Variants in GMIP observed in about 807,000 individuals in gnomAD.
The protein encoded by GMIP is GEM interacting protein.
A neutral mutation model predicts 105.3 loss-of-function variants in GMIP; 54 were observed. That is an observed-to-expected ratio of 0.51 (90% CI 0.41 to 0.64). The LOEUF (loss-of-function observed/expected upper bound fraction) is 0.64. Among genes scored for constraint, GMIP ranks in the 30% least tolerant of loss-of-function variants. The pLI is 0.00. For missense variants in GMIP, 1,110 were observed against 1,319.4 expected, an observed-to-expected ratio of 0.84 and a Z score of 2.46; for synonymous variants, 541 against 560.8, an observed-to-expected ratio of 0.96 and a Z score of 0.50.
chr19:19,634,453 G>T lies in GMIP; in HGVS notation c.2084+54C>A. The T allele has an allele frequency of 6.9e-7, 1 of 1,455,590 alleles. No individual in the cohort carries two copies. Among genetic ancestry groups the T allele is most frequent in the Non-Finnish European group, 9.5e-7 (1 of 1,057,138 alleles). The allele number at this position is 1,455,590 out of a possible 1,614,324, so 90.2% of individuals were successfully genotyped here. On this transcript the variant is annotated intron_variant, in intron 18 of 20. Coordinates refer to ENST00000203556, the MANE Select transcript of GMIP (RefSeq NM_016573.4). This position sits in a 1 kb window ranked among gnomAD's most constrained non-coding sequence, Gnocchi z 6.1. ...CAGGGGTCAGCCAGGGAAGTTAGTAGTCGCATGTCCAGGGAAAAGGGTCGC... is the reference window on the plus strand; with the variant it reads ...CAGGGGTCAGCCAGGGAAGTTAGTATTCGCATGTCCAGGGAAAAGGGTCGC...
At chr19:19,639,582 C>T (rs988974041) in intron 7 of GMIP, among the ~76,000 whole-genome samples, 1 of 152,116 alleles carries the variant, frequency 6.6e-6, no homozygotes, top group Non-Finnish European at 1.5e-5. Flanking sequence ...GGCGTGGTGG[C>T]TCACGCCTGT....
At chr19:19,643,090 A>G in intron 1 of GMIP, 1 of 223,002 alleles carries the variant, frequency 4.5e-6, no homozygotes, top group Non-Finnish European at 8.8e-6. Context: ...ACCAAGTCGG[A>G]CCCCGCCACA....
intron 13 of GMIP, among the ~76,000 whole-genome samples, chr19:19,636,287 C>T (rs758317881): frequency 6.6e-5 from 10 of 151,858 alleles, no homozygotes; most frequent in Non-Finnish European, 1.5e-4. Flanking sequence ...CTTTGGGAGA[C>T]CGAGGCAGGT....
intron 3 of GMIP, 47 bp from the exon 4 acceptor site, chr19:19,641,914 TG>T (rs1254846074): frequency 2.5e-6 from 4 of 1,603,186 alleles, no homozygotes; most frequent in Non-Finnish European, 3.4e-6. Flanking sequence ...GGCAGGGGCC[TG>T]GCCTTCCTAA....
chr19:19,635,890 T>A lies in GMIP; in HGVS notation c.1328-169A>T, dbSNP rs1349631999. Among the ~76,000 whole-genome samples the A allele has an allele frequency of 6.6e-6, 1 of 151,942 alleles. No homozygotes were observed. On this transcript the variant is annotated intron_variant, in intron 13 of 20. Transcript: ENST00000203556. The surrounding 1 kb of genome is among the most constrained non-coding windows in gnomAD (Gnocchi z 4.7). ...TGGGTCAGCAACCTGAGGGGGGTGG[T>A]TCATAAGCTGGATCAAGAGGTTGAG... is the stretch of plus-strand genomic sequence containing the variant.
Position 19,643,598 on chromosome 19 carries a change from C to T in GMIP, c.-69G>A. 1.4e-6 allele frequency: 2 copies of T among 1,391,608 alleles called. No individual in the cohort carries two copies. Among genetic ancestry groups the T allele is most frequent in the East Asian group, 2.8e-5 (1 of 36,108 alleles). The allele number at this position is 1,391,608 out of a possible 1,614,324, so 86.2% of individuals were successfully genotyped here. A position where few individuals can be genotyped will look rare whatever the true frequency, so the allele number is the denominator to read the frequency against. On this transcript the variant is annotated 5_prime_UTR_variant, in exon 1 of 21. Transcript: ENST00000203556. ...GGGTCGCGCGCCGGCGGGGCCGAGC[C>T]CCGATTTCCTGCCGCCGCAGCCGCC...
Position 19,636,958 on chromosome 19 carries a change from G to C in GMIP, c.1196C>G (p.Pro399Arg). 1 of 1,584,684 alleles carries C rather than the reference G, an allele frequency of 6.3e-7. No homozygotes were observed. Among genetic ancestry groups the C allele is most frequent in the Non-Finnish European group, 8.6e-7 (1 of 1,164,674 alleles). The change falls in exon 12 of 21, where the codon CCA (proline) becomes CGA (arginine). Residue 399 changes from proline (P) to arginine (R), a missense_variant. Around this residue, in one of 3 missense-constraint regions of GMIP, gnomAD observed 667 missense variants for 773.2 expected, o/e 0.86. Coordinates refer to ENST00000203556, the MANE Select transcript of GMIP (RefSeq NM_016573.4). ...TGTGCCCGGATCCTCCCAAGGGCCT[G>C]GCTCAGCTGAATTCTCATCCAGCCT... ...PPRLDENSAE[P>R]GPWEDPGTGW...
In GMIP at chr19:19,637,035, A is replaced by T; in HGVS notation, c.1125-6T>A. On this transcript the variant is annotated splice_region_variant and splice_polypyrimidine_tract_variant and intron_variant, in intron 11 of 20. Coordinates refer to ENST00000203556, the MANE Select transcript of GMIP (RefSeq NM_016573.4). The surrounding 1 kb of genome is among the most constrained non-coding windows in gnomAD (Gnocchi z 6.7). ...TTCTGATGTCCAGAGGGGAGCTGAG[A>T]AGACAGAAGTTTGAAGGTTTGAATC... 1 of 1,544,412 alleles carries T rather than the reference A, an allele frequency of 6.5e-7. No homozygotes were observed. The highest frequency in any genetic ancestry group is 8.8e-7 in the Non-Finnish European group (1 of 1,136,952).
chr19:19,632,692 C>G (rs1163820276), intron 19 of GMIP, among the ~76,000 whole-genome samples: 1 of 152,212 alleles, frequency 6.6e-6, no homozygotes, highest in Non-Finnish European at 1.5e-5. Flanking sequence ...GTCCCCTGCA[C>G]AGCAGGTGCA....
chr19:19,636,338 C>T (rs939258866), intron 13 of GMIP, among the ~76,000 whole-genome samples: 1 of 151,924 alleles, frequency 6.6e-6, no homozygotes, highest in African/African-American at 2.4e-5. Context: ...GCCTGGCCAA[C>T]ATGGTGAAAC....
chr19:19,633,348 G>A (rs1259130551), intron 19 of GMIP, among the ~76,000 whole-genome samples: 5 of 152,202 alleles, frequency 3.3e-5, no homozygotes, highest in South Asian at 2.1e-4. Flanking sequence ...GTGTGCCACC[G>A]CGCCCAGCCA....
chr19:19,641,949 C>T, intron 3 of GMIP, 27 bp downstream of exon 3: 1 of 1,604,906 alleles, frequency 6.2e-7, no homozygotes, highest in Non-Finnish European at 8.5e-7. Context: ...TGAGGTCTTC[C>T]TCCCTGTTCC....
rs775491589 is a variant in GMIP at position 19,638,350 on chromosome 19, C to T, written c.619-21G>A. ...TCATTCTGGGGGATGATGAGAAGGT[C>T]AGCGTCCCGGCCTCTCTCTCACCCT... On this transcript the variant is annotated intron_variant, in intron 8 of 20. Transcript: ENST00000203556. 27 of 1,614,124 alleles carry T rather than the reference C, an allele frequency of 1.7e-5. No homozygotes were observed. The South Asian group carries it at 3.0e-4, about 18-fold the overall frequency.
Position 19,634,641 on chromosome 19 carries a change from C to A in GMIP, c.1950G>T (p.Leu650Phe). ...YDAFISLAKT[L>F]HADPGDDPGT... ...CAGGGTCGTCCCCAGGGTCTGCATG[C>A]AAGGTCTTAGCCAGAGAGATGAAGG... The change falls in exon 18 of 21, where the codon TTG becomes TTT. Residue 650 changes from leucine (L) to phenylalanine (F), a missense_variant. Transcript: ENST00000203556. This position sits in a 1 kb window ranked among gnomAD's most constrained non-coding sequence, Gnocchi z 6.1. 6.2e-7 allele frequency: 1 copy of A among 1,613,278 alleles called. No individual in the cohort carries two copies. The highest frequency in any genetic ancestry group is 1.1e-5 in the South Asian group (1 of 91,060).
Position 19,630,244 on chromosome 19 carries a change from T to C in GMIP, c.2632A>G (p.Arg878Gly). The C allele has an allele frequency of 6.3e-7, 1 of 1,581,204 alleles. No homozygotes were observed. The highest frequency in any genetic ancestry group is 1.1e-5 in the South Asian group (1 of 87,350). ...QPVKYPRGGV[R>G]PVTHQLSSLA... ...CTGGACAGCTGGTGGGTTACAGGCC[T>C]CACACCGCCCCGGGGATACTTCACT... The change falls in exon 21 of 21, where the codon AGG becomes GGG. Residue 878 changes from arginine (R) to glycine (G), a missense_variant. By Grantham distance (125) the Arg-to-Gly change is moderately radical. Coordinates refer to ENST00000203556, the MANE Select transcript of GMIP (RefSeq NM_016573.4). This position sits in a 1 kb window ranked among gnomAD's most constrained non-coding sequence, Gnocchi z 4.8.
Position 19,637,970 on chromosome 19 carries a change from C to G in GMIP, c.877G>C (p.Val293Leu), listed in dbSNP as rs773833458. The G allele has an allele frequency of 1.2e-6, 2 of 1,611,188 alleles. No homozygotes were observed. Among genetic ancestry groups the G allele is most frequent in the Non-Finnish European group, 1.7e-6 (2 of 1,179,346 alleles). ...QDLEIAKQRI[V>L]SHVRKLVFQG... ...AACACCAGCTTGCGCACGTGCGACA[C>G]GATTCGCTGCTTGGCGATCTCCAGG... is the stretch of plus-strand genomic sequence containing the variant. The change falls in exon 10 of 21, where the codon GTG (valine) becomes CTG (leucine). Residue 293 changes from valine (V) to leucine (L), a missense_variant. Coordinates refer to ENST00000203556, the MANE Select transcript of GMIP (RefSeq NM_016573.4). The surrounding 1 kb of genome is among the most constrained non-coding windows in gnomAD (Gnocchi z 6.7).
chr19:19,641,321 G>A (rs368809064), intron 4 of GMIP, among the ~76,000 whole-genome samples: 1 of 149,192 alleles, frequency 6.7e-6, no homozygotes, highest in Admixed American at 6.7e-5. Context: ...TGACCTCGTG[G>A]TCCACCCGCC....
intron 19 of GMIP, among the ~76,000 whole-genome samples, chr19:19,632,929 C>T (rs1030834032): frequency 6.6e-6 from 1 of 152,146 alleles, no homozygotes; most frequent in African/African-American, 2.4e-5. Flanking sequence ...GTTGCCAGCT[C>T]ACTCCTTCAT....
rs755483191 is a variant in GMIP at position 19,636,897 on chromosome 19, C to A, written c.1237+20G>T. On this transcript the variant is annotated intron_variant, in intron 12 of 20. Coordinates refer to ENST00000203556, the MANE Select transcript of GMIP (RefSeq NM_016573.4). Reference sequence around the variant, plus strand: ...AACGAACTCCTGGCACCACTCCCACCTGGCCCTCATTGCACTCACCTTGCC... The same window carrying A: ...AACGAACTCCTGGCACCACTCCCACATGGCCCTCATTGCACTCACCTTGCC... The A allele has an allele frequency of 3.2e-6, 5 of 1,560,840 alleles. No homozygotes were observed. The highest frequency in any genetic ancestry group is 4.4e-6 in the Non-Finnish European group (5 of 1,145,818).
Sources: gnomAD v4.1 joint callset for allele counts (sites outside exome capture counted in the v4.1 genomes callset) on GRCh38, gnomAD v4.1.1 for gene constraint, gnomAD v4.1.1 regional missense constraint, Gnocchi (gnomAD v3.1) non-coding constraint, MANE v1.5 for transcripts, NCBI Gene and HGNC (gene_info 2026-07-23, HGNC 2026-07-21) for gene names.